The following SSPN variants were observed in gnomAD, a reference collection of about 807,000 sequenced individuals.
SSPN encodes the protein sarcospan.
Under a neutral mutation model 19.1 loss-of-function variants are expected in SSPN, and 15 were observed. That is an observed-to-expected ratio of 0.78 (90% CI 0.52 to 1.21). SSPN has a LOEUF of 1.21. Ranked by LOEUF, SSPN falls within the 50% of genes most tolerant of loss-of-function variation. The probability of loss-of-function intolerance (pLI) is 0.00; values close to 1 mark genes in which losing one functional copy is unlikely to be tolerated. For synonymous variants in SSPN, 147 were observed against 140.3 expected (o/e 1.05, Z -0.34); for missense variants, 291 against 314.0 (o/e 0.93, Z 0.55).
intron 1 of SSPN, among the ~76,000 whole-genome samples, chr12:26,143,832 C>T (rs2137408209): frequency 6.6e-6 from 1 of 152,288 alleles, no homozygotes; most frequent in Middle Eastern, 3.4e-3. Flanking sequence ...GCTTGCATTG[C>T]CGCCTGAGCT....
chr12:26,172,171 C>T (rs1327261406), intron 1 of SSPN, among the ~76,000 whole-genome samples: 8 of 152,150 alleles, frequency 5.3e-5, no homozygotes, highest in Non-Finnish European at 8.8e-5. Flanking sequence ...CTCAGCCTCT[C>T]GAATGGATAT....
intron 1 of SSPN, among the ~76,000 whole-genome samples, chr12:26,135,963 C>T (rs1434193029): frequency 6.6e-6 from 1 of 152,240 alleles, no homozygotes; most frequent in East Asian, 1.9e-4. Flanking sequence ...TCTCATATTT[C>T]TGTCCTTGTT....
chr12:26,192,729 A>G (rs1303936477), upstream of SSPN, among the ~76,000 whole-genome samples: 12 of 152,248 alleles, frequency 7.9e-5, no homozygotes, highest in Admixed American at 7.8e-4. Flanking sequence ...TAATCAGACT[A>G]GAAGAATTTC....
At chr12:26,181,472 T>C (rs2137442151) in intron 1 of SSPN, among the ~76,000 whole-genome samples, 1 of 152,352 alleles carries the variant, frequency 6.6e-6, no homozygotes, top group Non-Finnish European at 1.5e-5. Context: ...ATATTATAGT[T>C]GTTTTCTCAG....
intron 1 of SSPN, among the ~76,000 whole-genome samples, chr12:26,175,453 T>C (rs2137436344): frequency 6.6e-6 from 1 of 152,344 alleles, no homozygotes; most frequent in Non-Finnish European, 1.5e-5. Context: ...TTTATCAATA[T>C]GTGATTTGTA....
intron 1 of SSPN, chr12:26,125,547 G>A (rs1164224220): frequency 6.5e-6 from 1 of 153,036 alleles, no homozygotes; most frequent in Non-Finnish European, 1.5e-5. Context: ...TGGGTGGAGA[G>A]GTTGCCTCGA....
chr12:26,198,046 C>G (rs1312191959), intron 1 of SSPN, among the ~76,000 whole-genome samples: 2 of 152,136 alleles, frequency 1.3e-5, no homozygotes, highest in Middle Eastern at 3.4e-3. Flanking sequence ...ACAGGGCACT[C>G]TTCCAAGCTT....
intron 1 of SSPN, among the ~76,000 whole-genome samples, chr12:26,139,116 T>C (rs1441052136): frequency 6.6e-6 from 1 of 152,136 alleles, no homozygotes; most frequent in African/African-American, 2.4e-5. Context: ...TTATAAATGA[T>C]GTGTAGCAAA....
At chr12:26,124,876 G>C in intron 1 of SSPN, 1 of 1,175,192 alleles carries the variant, frequency 8.5e-7, no homozygotes, top group Non-Finnish European at 1.3e-6. Context: ...GGATCTGTGC[G>C]TCTCCAGTCT....
intron 1 of SSPN, among the ~76,000 whole-genome samples, chr12:26,198,958 G>A (rs1461123348): frequency 1.3e-5 from 2 of 152,180 alleles, no homozygotes; most frequent in Admixed American, 6.5e-5. Context: ...CACTGGCTCC[G>A]GGATATAGGC....
intron 1 of SSPN, among the ~76,000 whole-genome samples, chr12:26,157,721 G>T (rs1180465095): frequency 6.6e-6 from 1 of 152,082 alleles, no homozygotes; most frequent in Non-Finnish European, 1.5e-5. Flanking sequence ...GCTTCATTCT[G>T]CTCTGACAAA....
rs1365409574 is a variant in SSPN at position 26,231,066 on chromosome 12, A to G, written c.722A>G (p.Gln241Arg). 4 of 1,612,832 alleles carry G rather than the reference A, an allele frequency of 2.5e-6. No individual in the cohort carries two copies. Among genetic ancestry groups the G allele is most frequent in the East Asian group, 2.2e-5 (1 of 44,870 alleles). ...CSLTASEGPQQKI is the reference protein window; with the variant it reads ...CSLTASEGPQRKI Reference sequence around the variant, plus strand: ...CTCACGGCTTCCGAAGGCCCCCAGCAAAAGATCTAACATTCTTGCTCAAAG... The same window carrying G: ...CTCACGGCTTCCGAAGGCCCCCAGCGAAAGATCTAACATTCTTGCTCAAAG... Residue 241 changes from glutamine to arginine, a missense_variant, in exon 3 of 3, where the codon CAA becomes CGA. Transcript: ENST00000242729.
chr12:26,124,633 C>T, intron 1 of SSPN: 1 of 1,612,714 alleles, frequency 6.2e-7, no homozygotes, highest in Non-Finnish European at 8.5e-7. Flanking sequence ...GGGCTCTGCC[C>T]TCGCCAGCTC....
At chr12:26,122,893 C>A in intron 1 of SSPN, 1 of 1,550,818 alleles carries the variant, frequency 6.4e-7, no homozygotes, top group East Asian at 2.4e-5. Context: ...AGCTTCTGCC[C>A]CGCGCGCTCC....
chr12:26,142,020 G>A (rs1025304265), intron 1 of SSPN, among the ~76,000 whole-genome samples: 17 of 152,270 alleles, frequency 1.1e-4, no homozygotes, highest in Non-Finnish European at 2.1e-4. Context: ...GCAAAAGCCT[G>A]GTAAAAAGGA....
chr12:26,160,674 A>G (rs573762677), intron 1 of SSPN, among the ~76,000 whole-genome samples: 4 of 152,248 alleles, frequency 2.6e-5, no homozygotes, highest in African/African-American at 9.6e-5. Context: ...CTATCACCCT[A>G]GTCTCCCTTA....
chr12:26,140,382 C>T (rs1944453226), intron 1 of SSPN, among the ~76,000 whole-genome samples: 1 of 152,128 alleles, frequency 6.6e-6, no homozygotes, highest in African/African-American at 2.4e-5. Context: ...AGTTCTGTTT[C>T]TTCTATTCCA....
At chr12:26,183,901 T>C (rs796919996) in intron 1 of SSPN, among the ~76,000 whole-genome samples, 14 of 152,134 alleles carry the variant, frequency 9.2e-5, no homozygotes, top group African/African-American at 3.1e-4. Context: ...GATGGCAACA[T>C]GAAAGGAAGA....
At chr12:26,136,038 A>G (rs1344145405) in intron 1 of SSPN, among the ~76,000 whole-genome samples, 2 of 152,246 alleles carry the variant, frequency 1.3e-5, no homozygotes, top group African/African-American at 4.8e-5. Context: ...ACCTTAGGAT[A>G]TAAATATTTG....
Sources: allele counts gnomAD v4.1 joint callset (sites outside exome capture counted in the v4.1 genomes callset), GRCh38; gene constraint gnomAD v4.1.1; transcripts MANE v1.5; gene names NCBI Gene and HGNC (gene_info 2026-07-23, HGNC 2026-07-21).